SHISA9: variants seen among roughly 807,000 people sequenced by gnomAD.
SHISA9 encodes the protein shisa family member 9.
Under a neutral mutation model 38.0 loss-of-function variants are expected in SHISA9, and 13 were observed. The ratio of observed to expected loss-of-function variants is 0.34; its 90% CI spans 0.22 to 0.54. The LOEUF (loss-of-function observed/expected upper bound fraction) is 0.54, where lower values mean the gene tolerates loss of function less well. SHISA9 is among the 20% of genes least tolerant of loss of function. The pLI, the probability that SHISA9 is intolerant of heterozygous loss-of-function variation, is 0.91. For missense variants in SHISA9, 538 were observed against 575.8 expected, an observed-to-expected ratio of 0.93 and a Z score of 0.67; for synonymous variants, 275 against 242.0, an observed-to-expected ratio of 1.14 and a Z score of -1.27.
In SHISA9 at chr16:13,110,103, T is replaced by C. The variant is rs2073963005; in HGVS notation, c.692-93291T>C. The stretch of plus-strand genomic sequence containing the variant: ...GCTTGGTTTTTAAGCTGTGTCAAAG[T>C]GCTCTCCCCACCACATATAGAGGGT... On this transcript the variant is annotated intron_variant, in intron 2 of 4. Coordinates refer to ENST00000558583, the MANE Select transcript of SHISA9 (RefSeq NM_001145204.3). 5.9e-5 allele frequency among the ~76,000 whole-genome samples: 9 copies of C among 152,234 alleles called. 1 individual carries two copies. The South Asian group carries it at 1.9e-3, about 32-fold the overall frequency.
intron 2 of SHISA9, among the ~76,000 whole-genome samples, chr16:12,982,055 T>A (rs920327996): frequency 1.3e-5 from 2 of 152,202 alleles, no homozygotes; most frequent in African/African-American, 4.8e-5. Context: ...ATTAGACTTA[T>A]GGTCGTTGAA....
chr16:12,968,500 T>C (rs529515221), intron 2 of SHISA9, among the ~76,000 whole-genome samples: 4 of 152,250 alleles, frequency 2.6e-5, no homozygotes, highest in African/African-American at 7.2e-5. Flanking sequence ...AGCCCCAAAC[T>C]GGAAACAACT....
chr16:13,459,044 G>C, the SHISA9 span, among the ~76,000 whole-genome samples: 15 of 151,846 alleles, frequency 9.9e-5, no homozygotes, highest in Admixed American at 3.9e-4. Flanking sequence ...GCAGAGATGG[G>C]GTTTCTCCAT....
intron 4 of SHISA9, among the ~76,000 whole-genome samples, chr16:13,223,331 G>A (rs1218560819): frequency 1.3e-5 from 2 of 152,164 alleles, no homozygotes; most frequent in African/African-American, 4.8e-5. Context: ...TCGGGAGGCT[G>A]AGGTGGGAGG....
At chr16:13,145,306 G>C (rs1439589145) in intron 2 of SHISA9, among the ~76,000 whole-genome samples, 1 of 152,060 alleles carries the variant, frequency 6.6e-6, no homozygotes, top group Non-Finnish European at 1.5e-5. Context: ...GGGTGGATCA[G>C]TTCAGGTCAG....
the SHISA9 span, among the ~76,000 whole-genome samples, chr16:13,254,095 CT>C: frequency 6.6e-6 from 1 of 152,134 alleles, no homozygotes; most frequent in Non-Finnish European, 1.5e-5. Context: ...CTTTTCTATC[CT>C]TGCCAAAGAT....
At chr16:13,155,678 C>A (rs543314436) in intron 2 of SHISA9, among the ~76,000 whole-genome samples, 1 of 152,046 alleles carries the variant, frequency 6.6e-6, no homozygotes, top group African/African-American at 2.4e-5. Flanking sequence ...CAGGCCACAG[C>A]CTTTGAACTA....
At chr16:13,318,138 C>T in the SHISA9 span, among the ~76,000 whole-genome samples, 2 of 151,826 alleles carry the variant, frequency 1.3e-5, no homozygotes, top group African/African-American at 4.8e-5. Context: ...AAGTTGTAAA[C>T]AATAGGTCAT....
At chr16:13,273,776 G>A in the SHISA9 span, among the ~76,000 whole-genome samples, 30 of 152,112 alleles carry the variant, frequency 2.0e-4, no homozygotes, top group Non-Finnish European at 4.3e-4. Flanking sequence ...AGCAGACATA[G>A]GGCAGGGTTT....
chr16:13,330,489 TG>T, the SHISA9 span, among the ~76,000 whole-genome samples: 1 of 152,230 alleles, frequency 6.6e-6, no homozygotes, highest in African/African-American at 2.4e-5. Context: ...TTGTAGTTTC[TG>T]GGATAGCGTT....
At chr16:13,452,308 A>T in the SHISA9 span, among the ~76,000 whole-genome samples, 1 of 152,262 alleles carries the variant, frequency 6.6e-6, no homozygotes, top group Non-Finnish European at 1.5e-5. Flanking sequence ...CAGCTTAATT[A>T]TAGATGCTTC....
chr16:13,403,774 T>G, the SHISA9 span, among the ~76,000 whole-genome samples: 1 of 152,146 alleles, frequency 6.6e-6, no homozygotes, highest in Admixed American at 6.5e-5. Context: ...CTTGAAAAGA[T>G]GGATGGAGAA....
intron 2 of SHISA9, among the ~76,000 whole-genome samples, chr16:13,177,731 G>T (rs936933038): frequency 9.2e-5 from 14 of 152,120 alleles, no homozygotes; most frequent in African/African-American, 3.4e-4. Context: ...GTGCAATGGC[G>T]CAGTCTAGGC....
the SHISA9 span, among the ~76,000 whole-genome samples, chr16:13,555,305 G>A: frequency 3.3e-5 from 5 of 152,076 alleles, no homozygotes; most frequent in East Asian, 9.7e-4. Context: ...TTTTTTCTGG[G>A]CTTATAAACG....
chr16:13,301,299 T>G, the SHISA9 span, among the ~76,000 whole-genome samples: 2 of 152,264 alleles, frequency 1.3e-5, no homozygotes, highest in Non-Finnish European at 2.9e-5. Flanking sequence ...TCTCAAAACT[T>G]TAATGTGCAG....
At chr16:13,089,954 C>G (rs1408142298) in intron 2 of SHISA9, among the ~76,000 whole-genome samples, 1 of 152,172 alleles carries the variant, frequency 6.6e-6, no homozygotes. Context: ...AATAAATTTC[C>G]CTCTACACAC....
the SHISA9 span, among the ~76,000 whole-genome samples, chr16:13,544,447 T>TTTTC: frequency 3.8e-3 from 553 of 144,212 alleles, 2 homozygotes; most frequent in African/African-American, 0.013. Flanking sequence ...TTTTTTTTTT[T>TTTTC]CCCCGCTGGA....
the SHISA9 span, among the ~76,000 whole-genome samples, chr16:13,367,710 G>GCGCGCA: frequency 1.1e-5 from 1 of 90,518 alleles, no homozygotes; most frequent in African/African-American, 4.0e-5. Context: ...GCGCGCGCGC[G>GCGCGCA]CGCACACACA....
At chr16:13,076,228 A>T (rs1251021061) in intron 2 of SHISA9, among the ~76,000 whole-genome samples, 1 of 152,018 alleles carries the variant, frequency 6.6e-6, no homozygotes, top group Non-Finnish European at 1.5e-5. Context: ...ACGGGATTTC[A>T]TCATGTTGGC....
Sources: allele counts gnomAD v4.1 joint callset (sites outside exome capture counted in the v4.1 genomes callset), GRCh38; gene constraint gnomAD v4.1.1; transcripts MANE v1.5; gene names NCBI Gene and HGNC (gene_info 2026-07-23, HGNC 2026-07-21).